The following SHTN1 variants were observed in gnomAD, a reference collection of about 807,000 sequenced individuals.
SHTN1 encodes the protein shootin 1.
A neutral mutation model predicts 83.1 loss-of-function variants in SHTN1; 42 were observed. The observed-to-expected ratio is 0.51, with a 90% CI of 0.39 to 0.65. The LOEUF (loss-of-function observed/expected upper bound fraction) is 0.65. SHTN1 is among the 30% of genes least tolerant of loss of function. SHTN1 has a pLI of 0.00. For synonymous variants in SHTN1, 224 were observed against 247.7 expected (o/e 0.90, Z 0.90); for missense variants, 622 against 737.8 (o/e 0.84, Z 1.82).
chr10:117,105,184 C>G (rs554845622), intron 1 of SHTN1, among the ~76,000 whole-genome samples: 14 of 152,252 alleles, frequency 9.2e-5, no homozygotes, highest in Admixed American at 9.2e-4. Flanking sequence ...CATACCATGT[C>G]CTCAATTAGA....
intron 3 of SHTN1, among the ~76,000 whole-genome samples, chr10:116,960,536 T>C (rs959660009): frequency 3.9e-5 from 6 of 152,212 alleles, no homozygotes; most frequent in African/African-American, 1.4e-4. Context: ...TATGTATCCA[T>C]AGACATATGT....
chr10:117,005,320 A>AG (rs1851979648), upstream of SHTN1: 1 of 1,311,942 alleles, frequency 7.6e-7, no homozygotes, highest in Non-Finnish European at 9.8e-7. Flanking sequence ...AGTCCCGTTC[A>AG]GGGGGTGGAG....
intron 7 of SHTN1, among the ~76,000 whole-genome samples, chr10:116,946,605 ATTTATATATAAATATATAAAATGAT>A (rs1849600612): frequency 1.7e-5 from 2 of 121,140 alleles, no homozygotes; most frequent in Non-Finnish European, 3.3e-5. Flanking sequence ...ATATAAAATG[ATTTATATATAAATATATAAAATGAT>A]TTATATATAA....
At chr10:116,916,455 TGGCAATATGGTG>T (rs1039440949) in intron 12 of SHTN1, among the ~76,000 whole-genome samples, 11 of 152,322 alleles carry the variant, frequency 7.2e-5, no homozygotes, top group Admixed American at 6.5e-4. Flanking sequence ...CTACACTGCC[TGGCAATATGGTG>T]GGCACTCAAC....
intron 9 of SHTN1, among the ~76,000 whole-genome samples, chr10:116,931,009 A>T (rs1848939649): frequency 6.6e-6 from 1 of 151,960 alleles, no homozygotes. Context: ...TATGCTTGTT[A>T]GTCACACAGA....
At chr10:116,997,610 G>C (rs961685330) in intron 1 of SHTN1, among the ~76,000 whole-genome samples, 1 of 152,144 alleles carries the variant, frequency 6.6e-6, no homozygotes, top group Non-Finnish European at 1.5e-5. Context: ...GTTTTTAGGG[G>C]AAGACCACAG....
chr10:117,084,125 T>C (rs2133614425), intron 1 of SHTN1, among the ~76,000 whole-genome samples: 1 of 152,272 alleles, frequency 6.6e-6, no homozygotes, highest in South Asian at 2.1e-4. Context: ...GGCGCTCTTA[T>C]TTTTAGAGTT....
Position 116,932,382 on chromosome 10 carries a change from C to T in SHTN1, c.859-2380G>A, listed in dbSNP as rs182088907. ...CGAACCCTATTGTGAACTGCACACGCGAGGGATCCAGGTTGGCCGCTCTTT... is the reference window on the plus strand; with the variant it reads ...CGAACCCTATTGTGAACTGCACACGTGAGGGATCCAGGTTGGCCGCTCTTT... On this transcript the variant is annotated intron_variant, in intron 9 of 16. Transcript: ENST00000355371. Among the ~76,000 whole-genome samples the T allele has an allele frequency of 5.3e-5, 8 of 152,270 alleles. No individual in the cohort carries two copies. In the East Asian group the frequency reaches 5.8e-4, roughly 11 times the overall value.
intron 1 of SHTN1, among the ~76,000 whole-genome samples, chr10:117,111,889 T>C (rs1853772908): frequency 6.6e-6 from 1 of 152,192 alleles, no homozygotes; most frequent in African/African-American, 2.4e-5. Context: ...GCACCTGTGA[T>C]GACCCTCTGT....
intron 1 of SHTN1, among the ~76,000 whole-genome samples, chr10:117,001,454 C>G (rs1404140633): frequency 1.3e-5 from 2 of 152,120 alleles, no homozygotes; most frequent in Non-Finnish European, 2.9e-5. Context: ...TTGTCAAAAG[C>G]AACCTTATTC....
chr10:117,055,189 C>T (rs1852810503), intron 1 of SHTN1, among the ~76,000 whole-genome samples: 1 of 152,144 alleles, frequency 6.6e-6, no homozygotes, highest in Non-Finnish European at 1.5e-5. Flanking sequence ...AAGGAAACCA[C>T]CCCCATGATC....
intron 11 of SHTN1, among the ~76,000 whole-genome samples, chr10:116,923,904 G>A (rs180715237): frequency 3.5e-4 from 53 of 151,900 alleles, no homozygotes; most frequent in African/African-American, 9.9e-4. Context: ...TCACTTCTAC[G>A]TTTGCTTATA....
In SHTN1 at chr10:116,968,516, T is replaced by G. The variant is rs1850482082; in HGVS notation, c.172+136A>C. The G allele has an allele frequency of 6.7e-6, 4 of 596,552 alleles. No individual in the cohort carries two copies. In the South Asian group the frequency reaches 1.1e-4, roughly 16 times the overall value. The allele number at this position is 596,552 out of a possible 1,614,324, so 37.0% of individuals were successfully genotyped here. On this transcript the variant is annotated intron_variant, in intron 3 of 16. Transcript: ENST00000355371. Reference sequence around the variant, plus strand: ...AGCTTAAAGTGATGCCTGGGCATGTTTGGACAAATAGAAAGAAGTCTTGCT... The same window carrying G: ...AGCTTAAAGTGATGCCTGGGCATGTGTGGACAAATAGAAAGAAGTCTTGCT...
intron 1 of SHTN1, among the ~76,000 whole-genome samples, chr10:117,092,609 G>A (rs1728436261): frequency 1.3e-5 from 2 of 152,206 alleles, no homozygotes; most frequent in Admixed American, 1.3e-4. Flanking sequence ...ATAAGGATCT[G>A]CCAATCATGA....
chr10:116,930,286 GGTAAATTGTGTGTCA>G (rs1564882547), intron 9 of SHTN1, among the ~76,000 whole-genome samples: 25 of 152,126 alleles, frequency 1.6e-4, no homozygotes, highest in African/African-American at 5.8e-4. Context: ...TTGTTATATA[GGTAAATTGTGTGTCA>G]CAGGGGCTTG....
At chr10:116,998,059 T>C (rs1354510781) in intron 1 of SHTN1, among the ~76,000 whole-genome samples, 2 of 152,094 alleles carry the variant, frequency 1.3e-5, no homozygotes, top group Admixed American at 1.3e-4. Flanking sequence ...GCCTCGGCAC[T>C]TCAGCCTGGG....
intron 1 of SHTN1, among the ~76,000 whole-genome samples, chr10:117,093,107 A>G (rs753921610): frequency 6.6e-6 from 1 of 152,200 alleles, no homozygotes; most frequent in Non-Finnish European, 1.5e-5. Context: ...TAGTATTACT[A>G]TCCTCAGTTC....
chr10:116,919,002 A>G (rs1172279230), intron 12 of SHTN1, among the ~76,000 whole-genome samples: 2 of 152,190 alleles, frequency 1.3e-5, no homozygotes, highest in Non-Finnish European at 2.9e-5. Context: ...TGAAGTTTTT[A>G]GAGCCATAAG....
chr10:116,886,618 G>C (rs2531685), intron 16 of SHTN1, 52 bp from the exon 17 acceptor site: 1,134,975 of 1,606,144 alleles, frequency 0.71, 410,744 homozygotes, highest in Non-Finnish European at 0.75. Context: ...AGAGAAAATA[G>C]TTGTCTCTGA....
Sources: allele counts gnomAD v4.1 joint callset (sites outside exome capture counted in the v4.1 genomes callset), GRCh38; gene constraint gnomAD v4.1.1; transcripts MANE v1.5; gene names NCBI Gene and HGNC (gene_info 2026-07-23, HGNC 2026-07-21).